IQGAP2: variants seen among roughly 807,000 people sequenced by gnomAD.
The protein encoded by IQGAP2 is IQ motif containing GTPase activating protein 2.
In IQGAP2, 173 loss-of-function variants were observed where a neutral mutation model predicts 201.3. The observed-to-expected ratio is 0.86, with a 90% CI of 0.76 to 0.98. IQGAP2 has a LOEUF of 0.98. Among genes scored for constraint, IQGAP2 ranks in the 50% least tolerant of loss-of-function variants. The pLI is 0.00. For synonymous variants in IQGAP2, 675 were observed against 673.9 expected, an observed-to-expected ratio of 1.00 and a Z score of -0.03; for missense variants, 1,687 against 1,864.8, an observed-to-expected ratio of 0.90 and a Z score of 1.76.
At chr5:76,449,948 C>G (rs1254009960) in intron 1 of IQGAP2, among the ~76,000 whole-genome samples, 1 of 152,152 alleles carries the variant, frequency 6.6e-6, no homozygotes, top group Non-Finnish European at 1.5e-5. Context: ...TGTTCTGGCT[C>G]TTGTATAAAG....
intron 2 of IQGAP2, among the ~76,000 whole-genome samples, chr5:76,555,157 G>T (rs2150242316): frequency 6.6e-6 from 1 of 152,288 alleles, no homozygotes; most frequent in Admixed American, 6.5e-5. Flanking sequence ...AATGGAGAAT[G>T]ACTGTTTATG....
chr5:76,458,400 A>T (rs1318272091), intron 1 of IQGAP2, among the ~76,000 whole-genome samples: 1 of 152,232 alleles, frequency 6.6e-6, no homozygotes, highest in African/African-American at 2.4e-5. Context: ...GTTCTTATCA[A>T]AAGCCACTAC....
chr5:76,639,917 T>A (rs439170), intron 16 of IQGAP2, among the ~76,000 whole-genome samples: 93,980 of 151,978 alleles, frequency 0.62, 29,221 homozygotes, highest in South Asian at 0.78. Flanking sequence ...ATACTAAAAA[T>A]TTATATGCCA....
chr5:76,523,041 T>C (rs1395179225), intron 2 of IQGAP2, among the ~76,000 whole-genome samples: 1 of 150,156 alleles, frequency 6.7e-6, no homozygotes, highest in Non-Finnish European at 1.5e-5. Context: ...ATCAGCAAAC[T>C]CACAAATTTT....
At chr5:76,631,314 A>G (rs1022331673) in intron 14 of IQGAP2, among the ~76,000 whole-genome samples, 1 of 152,114 alleles carries the variant, frequency 6.6e-6, no homozygotes, top group African/African-American at 2.4e-5. Flanking sequence ...GTTAGGTCTA[A>G]AATGGTTCCA....
At chr5:76,483,589 C>T (rs1489345065) in intron 2 of IQGAP2, among the ~76,000 whole-genome samples, 1 of 152,212 alleles carries the variant, frequency 6.6e-6, no homozygotes, top group Non-Finnish European at 1.5e-5. Context: ...AGCACGTAGA[C>T]TGGGTGTTTT....
intron 2 of IQGAP2, among the ~76,000 whole-genome samples, chr5:76,516,174 C>T (rs1021502808): frequency 2.6e-5 from 4 of 152,038 alleles, no homozygotes; most frequent in South Asian, 2.1e-4. Context: ...TACACCCAGC[C>T]AGGGATGATC....
chr5:76,461,783 T>C (rs1241807758), intron 2 of IQGAP2, 114 bp downstream of exon 2: 3 of 699,010 alleles, frequency 4.3e-6, no homozygotes, highest in Admixed American at 4.9e-5. Flanking sequence ...TTCTAAAGAG[T>C]TGTCGTAGTT....
At chr5:76,677,628 A>G (rs774689668) in intron 28 of IQGAP2, 3 of 246,604 alleles carry the variant, frequency 1.2e-5, no homozygotes, top group Non-Finnish European at 1.5e-5. Context: ...GGCATAATCC[A>G]TTTACAAAGC....
At chr5:76,486,585 A>C (rs773315277) in intron 2 of IQGAP2, among the ~76,000 whole-genome samples, 5 of 152,168 alleles carry the variant, frequency 3.3e-5, no homozygotes, top group Non-Finnish European at 5.9e-5. Flanking sequence ...CTGTCAGATG[A>C]CTAGGGGGAA....
intron 14 of IQGAP2, 39 bp from the exon 15 acceptor site, chr5:76,631,820 G>C: frequency 6.9e-7 from 1 of 1,459,536 alleles, no homozygotes; most frequent in Non-Finnish European, 9.3e-7. Context: ...GTAAGTGGAA[G>C]ATAACCATTA....
intron 27 of IQGAP2, 149 bp from the exon 28 acceptor site, chr5:76,677,069 G>C: frequency 1.5e-6 from 1 of 689,052 alleles, no homozygotes. Flanking sequence ...ACAGCCAGGA[G>C]CCAGCCTGGA....
chr5:76,418,594 GA>G (rs1191675917), intron 1 of IQGAP2, among the ~76,000 whole-genome samples: 2,313 of 26,256 alleles, frequency 0.088, 69 homozygotes, highest in African/African-American at 0.22. Context: ...ACTCCATCTC[GA>G]AAAAAAAAAA....
At chr5:76,577,429 A>G (rs1291133985) in intron 5 of IQGAP2, among the ~76,000 whole-genome samples, 1 of 152,206 alleles carries the variant, frequency 6.6e-6, no homozygotes, top group Non-Finnish European at 1.5e-5. Context: ...CATCATAGAC[A>G]TCTCCATTAC....
chr5:76,426,191 A>G (rs983561297), intron 1 of IQGAP2, among the ~76,000 whole-genome samples: 1 of 152,164 alleles, frequency 6.6e-6, no homozygotes, highest in Non-Finnish European at 1.5e-5. Context: ...TGCTCTGCAA[A>G]AGCATGCCAG....
chr5:76,615,120 G>T (rs539983439), intron 13 of IQGAP2, among the ~76,000 whole-genome samples: 2 of 152,168 alleles, frequency 1.3e-5, no homozygotes, highest in Non-Finnish European at 2.9e-5. Context: ...CTGTTCACTG[G>T]GTGGTGTGTG....
At chr5:76,554,374 A>C (rs1743767807) in intron 2 of IQGAP2, among the ~76,000 whole-genome samples, 1 of 152,230 alleles carries the variant, frequency 6.6e-6, no homozygotes, top group Admixed American at 6.5e-5. Flanking sequence ...AGAAAGTGAA[A>C]AGACGGCTCA....
intron 2 of IQGAP2, among the ~76,000 whole-genome samples, chr5:76,471,373 A>AAC (rs1554058994): frequency 7.2e-4 from 77 of 107,538 alleles, no homozygotes; most frequent in African/African-American, 2.5e-3. Flanking sequence ...GCAAAAAAAA[A>AAC]AAAAAAAAAA....
chr5:76,490,778 C>T (rs1286701159), intron 2 of IQGAP2, among the ~76,000 whole-genome samples: 3 of 151,852 alleles, frequency 2.0e-5, no homozygotes, highest in African/African-American at 2.4e-5. Context: ...CACGAAAATA[C>T]CATTATGTTA....
Sources: gnomAD v4.1 joint callset for allele counts (sites outside exome capture counted in the v4.1 genomes callset) on GRCh38, gnomAD v4.1.1 for gene constraint, MANE v1.5 for transcripts, NCBI Gene and HGNC (gene_info 2026-07-23, HGNC 2026-07-21) for gene names.